Variants in IFT122 observed in about 807,000 individuals in gnomAD.
IFT122 encodes intraflagellar transport 122.
IFT122 carries 118 observed loss-of-function variants against 161.6 expected under a neutral mutation model. The observed-to-expected ratio is 0.73, with a 90% CI of 0.63 to 0.85. IFT122 has a LOEUF of 0.85. Ranked by LOEUF, IFT122 falls within the 40% of genes least tolerant of loss-of-function variation. The pLI, the probability that IFT122 is intolerant of heterozygous loss-of-function variation, is 0.00. For synonymous variants in IFT122, 550 were observed against 602.4 expected, an observed-to-expected ratio of 0.91 and a Z score of 1.27; for missense variants, 1,381 against 1,579.6, an observed-to-expected ratio of 0.87 and a Z score of 2.13.
intron 3 of IFT122, chr3:129,452,206 TGAGTTACTTCA>T (rs1184025794): frequency 3.7e-6 from 2 of 533,634 alleles, no homozygotes; most frequent in Admixed American, 2.9e-5. Context: ...TCAAGGTGCT[TGAGTTACTTCA>T]GAGAAAAAAA....
intron 3 of IFT122, among the ~76,000 whole-genome samples, chr3:129,454,514 TG>T (rs1222659084): frequency 0.11 from 4,382 of 41,680 alleles, 203 homozygotes; most frequent in African/African-American, 0.42. Context: ...TAGTCATATT[TG>T]TGTGTGTGTG....
chr3:129,514,605 A>G (rs2083250199), intron 25 of IFT122, 51 bp downstream of exon 25: 4 of 1,601,016 alleles, frequency 2.5e-6, no homozygotes, highest in Non-Finnish European at 1.7e-6. Flanking sequence ...CCTTGAGGCC[A>G]TCTCATGCCT....
intron 7 of IFT122, 67 bp from the exon 8 acceptor site, chr3:129,466,823 A>G: frequency 6.6e-7 from 1 of 1,523,036 alleles, no homozygotes; most frequent in South Asian, 1.1e-5. Flanking sequence ...CCTTGCCAGG[A>G]TTTTAAATTA....
intron 2 of IFT122, among the ~76,000 whole-genome samples, chr3:129,451,454 T>C (rs1050306220): frequency 6.6e-6 from 1 of 152,154 alleles, no homozygotes; most frequent in Non-Finnish European, 1.5e-5. Context: ...TCCCTCCTAC[T>C]TGAAAGCCCA....
chr3:129,495,402 C>G, intron 17 of IFT122, 44 bp from the exon 18 acceptor site: 1 of 1,611,252 alleles, frequency 6.2e-7, no homozygotes, highest in Non-Finnish European at 8.5e-7. Flanking sequence ...CTGCTTCCTG[C>G]CCATGGCTGC....
At chr3:129,450,328 T>C (rs1269666524) in intron 2 of IFT122, among the ~76,000 whole-genome samples, 1 of 152,218 alleles carries the variant, frequency 6.6e-6, no homozygotes, top group Non-Finnish European at 1.5e-5. Flanking sequence ...CTTTTAGGCA[T>C]TGGCCTATCT....
chr3:129,477,648 T>TTG (rs757485649), intron 11 of IFT122, among the ~76,000 whole-genome samples: 3 of 152,184 alleles, frequency 2.0e-5, no homozygotes, highest in African/African-American at 4.8e-5. Flanking sequence ...TCTTCCCCGT[T>TTG]TGTCAAGGAG....
At chr3:129,483,130 A>G (rs1261586966) in intron 14 of IFT122, among the ~76,000 whole-genome samples, 1 of 152,216 alleles carries the variant, frequency 6.6e-6, no homozygotes, top group Non-Finnish European at 1.5e-5. Flanking sequence ...AAACAGCTAT[A>G]TTGATTTTTT....
intron 27 of IFT122, 23 bp from the exon 28 acceptor site, chr3:129,519,084 C>T: frequency 1.2e-6 from 2 of 1,606,622 alleles, no homozygotes; most frequent in Non-Finnish European, 1.7e-6. Flanking sequence ...CTTCTGATTC[C>T]ATCCTTGACC....
At chr3:129,465,289 TTA>T (rs1360970747) in intron 7 of IFT122, among the ~76,000 whole-genome samples, 2 of 152,038 alleles carry the variant, frequency 1.3e-5, no homozygotes, top group Non-Finnish European at 2.9e-5. Context: ...TGCCCACCTG[TTA>T]ATAAATAGCT....
At chr3:129,502,683 C>T in intron 19 of IFT122, 28 bp from the exon 20 acceptor site, 2 of 1,602,602 alleles carry the variant, frequency 1.2e-6, no homozygotes, top group East Asian at 2.2e-5. Flanking sequence ...CCAGAGCCCA[C>T]CCTCCTACCT....
At chr3:129,507,505 C>T (rs1382430267) in intron 22 of IFT122, among the ~76,000 whole-genome samples, 163 bp from the exon 23 acceptor site, 1 of 152,246 alleles carries the variant, frequency 6.6e-6, no homozygotes, top group Non-Finnish European at 1.5e-5. Flanking sequence ...AGCAGAGTGG[C>T]TTTCCCCTCA....
chr3:129,440,283 C>A lies in IFT122; in HGVS notation c.-48C>A. ...ACCGTTAGTGAGGCGGTTGCTGAGA[C>A]AGACGCTGAGGCGGGTAGGAGGAGC... On this transcript the variant is annotated 5_prime_UTR_variant, in exon 1 of 30. Coordinates refer to ENST00000348417, the MANE Select transcript of IFT122 (RefSeq NM_052989.3). 1 of 1,549,108 alleles carries A rather than the reference C, an allele frequency of 6.5e-7. No homozygotes were observed. The highest frequency in any genetic ancestry group is 8.7e-7 in the Non-Finnish European group (1 of 1,146,548).
intron 1 of IFT122, among the ~76,000 whole-genome samples, chr3:129,446,855 G>C (rs2074068112): frequency 6.6e-6 from 1 of 152,096 alleles, no homozygotes; most frequent in Non-Finnish European, 1.5e-5. Context: ...TATGGGTTGG[G>C]TTTTGTTTTT....
intron 12 of IFT122, 131 bp from the exon 13 acceptor site, chr3:129,479,654 A>C: frequency 8.8e-7 from 1 of 1,131,374 alleles, no homozygotes; most frequent in Non-Finnish European, 1.3e-6. Context: ...CGTGGGGTCT[A>C]CATTGGGTTA....
chr3:129,445,632 A>C (rs569931518), intron 1 of IFT122, among the ~76,000 whole-genome samples: 1 of 152,350 alleles, frequency 6.6e-6, no homozygotes, highest in Admixed American at 6.5e-5. Flanking sequence ...AAGGCAGCAT[A>C]GCGCGTTAAT....
Position 129,451,924 on chromosome 3 carries a change from C to T in IFT122, c.119C>T (p.Thr40Ile). 1.2e-6 allele frequency: 2 copies of T among 1,613,662 alleles called. No homozygotes were observed. The highest frequency in any genetic ancestry group is 2.2e-5 in the East Asian group (1 of 44,866). ...AAGSRLLVYD[T>I]SDGTLLQPLK... The stretch of plus-strand genomic sequence containing the variant: ...TGTCTCTTTTGCCAGGTTTATGACA[C>T]CTCTGATGGCACCTTACTTCAGCCC... The change falls in exon 3 of 30, where the codon ACC becomes ATC. Residue 40 changes from threonine to isoleucine, a missense_variant. By Grantham distance (89) the Thr-to-Ile change is moderately conservative. Around this residue, in one of 7 missense-constraint regions of IFT122, gnomAD observed 134 missense variants for 137.4 expected, o/e 0.98. Coordinates refer to ENST00000348417, the MANE Select transcript of IFT122 (RefSeq NM_052989.3).
chr3:129,481,783 C>G, intron 14 of IFT122, 89 bp downstream of exon 14: 1 of 1,426,300 alleles, frequency 7.0e-7, no homozygotes, highest in South Asian at 1.2e-5. Context: ...CTCTCCTGCT[C>G]TGGCCCAGGC....
Position 129,507,746 on chromosome 3 carries a change from C to G in IFT122, c.2870C>G (p.Ala957Gly), listed in dbSNP as rs2082332516. The change falls in exon 23 of 30, where the codon GCC becomes GGC. Residue 957 changes from alanine to glycine, a missense_variant. By Grantham distance (60) the Ala-to-Gly change is moderately conservative. Coordinates refer to ENST00000348417, the MANE Select transcript of IFT122 (RefSeq NM_052989.3). Reference sequence around the variant, plus strand: ...GCAGAGCTGTACCATGGTTACCATGCCATCCATCGCCACACGGTAAGGTGG... The same window carrying G: ...GCAGAGCTGTACCATGGTTACCATGGCATCCATCGCCACACGGTAAGGTGG... ...RLAELYHGYH[A>G]IHRHTEDPFS... 2 of 1,613,744 alleles carry G rather than the reference C, an allele frequency of 1.2e-6. No individual in the cohort carries two copies. The highest frequency in any genetic ancestry group is 1.3e-5 in the African/African-American group (1 of 74,922).
Sources: allele counts gnomAD v4.1 joint callset (sites outside exome capture counted in the v4.1 genomes callset), GRCh38; gene constraint gnomAD v4.1.1; regional missense constraint gnomAD v4.1.1; transcripts MANE v1.5; gene names NCBI Gene and HGNC (gene_info 2026-07-23, HGNC 2026-07-21).